Variants in RSRC1 observed in about 807,000 individuals in gnomAD.
RSRC1 encodes arginine and serine rich coiled-coil 1, also known as serine/Arginine-related protein 53.
A neutral mutation model predicts 49.1 loss-of-function variants in RSRC1; 39 were observed. That is an observed-to-expected ratio of 0.79 (90% confidence interval 0.61 to 1.04). The LOEUF (loss-of-function observed/expected upper bound fraction) is 1.04. Ranked by LOEUF, RSRC1 falls within the 50% of genes least tolerant of loss-of-function variation. The pLI, the probability that RSRC1 is intolerant of heterozygous loss-of-function variation, is 0.00. For missense variants in RSRC1, 388 were observed against 402.4 expected, an observed-to-expected ratio of 0.96 and a Z score of 0.31; for synonymous variants, 143 against 130.8, an observed-to-expected ratio of 1.09 and a Z score of -0.63.
chr3:158,434,308 C>A (rs1735930150), intron 6 of RSRC1, among the ~76,000 whole-genome samples: 1 of 151,846 alleles, frequency 6.6e-6, no homozygotes, highest in South Asian at 2.1e-4. Context: ...AAGGTAATGT[C>A]AATTTTTCTA....
Position 158,343,637 on chromosome 3 carries a change from AAC to A in RSRC1, c.532-11214_532-11213del, listed in dbSNP as rs1314828901. Among the ~76,000 whole-genome samples the A allele has an allele frequency of 5.3e-5, 8 of 152,296 alleles. No individual in the cohort carries two copies. In the East Asian group the frequency reaches 1.5e-3, roughly 29 times the overall value. On this transcript the variant is annotated intron_variant, in intron 5 of 9. Transcript: ENST00000611884. ...TAGAGACATGGAAACTATTTTAAAA[AAC>A]ACACAAAATTCTAGACACGAAGGCT...
intron 3 of RSRC1, among the ~76,000 whole-genome samples, chr3:158,196,315 G>A (rs1004620480): frequency 6.6e-6 from 1 of 152,096 alleles, no homozygotes; most frequent in African/African-American, 2.4e-5. Context: ...TGTTATTGGT[G>A]TATAAGAATG....
At chr3:158,391,301 C>A (rs1733276109) in intron 6 of RSRC1, among the ~76,000 whole-genome samples, 1 of 152,010 alleles carries the variant, frequency 6.6e-6, no homozygotes, top group African/African-American at 2.4e-5. Context: ...AATTGATATT[C>A]AAAAAACTGG....
chr3:158,306,100 A>G (rs1383340083), intron 5 of RSRC1, among the ~76,000 whole-genome samples: 1 of 151,954 alleles, frequency 6.6e-6, no homozygotes, highest in Non-Finnish European at 1.5e-5. Context: ...AAACTTCGTT[A>G]TATGCTTTTA....
intron 5 of RSRC1, among the ~76,000 whole-genome samples, chr3:158,327,633 A>T (rs1729243932): frequency 1.3e-5 from 2 of 152,032 alleles, no homozygotes; most frequent in South Asian, 4.1e-4. Flanking sequence ...ACATTTGCTG[A>T]GGAGTGCTTT....
chr3:158,342,343 T>C (rs1292158983), intron 5 of RSRC1, among the ~76,000 whole-genome samples: 1 of 152,188 alleles, frequency 6.6e-6, no homozygotes, highest in Non-Finnish European at 1.5e-5. Flanking sequence ...GCGGAGGTAA[T>C]TGAATCATGG....
Position 158,470,357 on chromosome 3 carries a change from C to CATATAT in RSRC1, c.652+9355_652+9356insTATATA, listed in dbSNP as rs1397429366. The stretch of plus-strand genomic sequence containing the variant: ...ACACACACACACACACACACACACA[C>CATATAT]ACACATATATATATATATATATAAA... On this transcript the variant is annotated intron_variant, in intron 7 of 9. Transcript: ENST00000611884. Among the ~76,000 whole-genome samples, 626 of 128,680 alleles carry CATATAT rather than the reference C, an allele frequency of 4.9e-3. 2 individuals carry two copies. The highest frequency in any genetic ancestry group is 0.02 in the African/African-American group (608 of 30,918). 84.4% of individuals were successfully genotyped at this position (128,680 alleles called of 152,430 possible). A position where few individuals can be genotyped will look rare whatever the true frequency, so the allele number is the denominator to read the frequency against.
At chr3:158,181,552 T>C (rs1484103660) in intron 3 of RSRC1, among the ~76,000 whole-genome samples, 3 of 151,298 alleles carry the variant, frequency 2.0e-5, no homozygotes, top group African/African-American at 7.3e-5. Context: ...GTTCATTTTA[T>C]ACAAATTTCC....
In RSRC1 at chr3:158,422,156, T is replaced by C. The variant is rs569951549; in HGVS notation, c.584-38779T>C. 9.9e-5 allele frequency among the ~76,000 whole-genome samples: 15 copies of C among 151,258 alleles called. No homozygotes were observed. In the South Asian group the frequency reaches 2.8e-3, roughly 28 times the overall value. ...TAGTTACATATGTATACATGTGCCA[T>C]GCTGGTGCGCTGCACCCACTAACTC... On this transcript the variant is annotated intron_variant, in intron 6 of 9. Transcript: ENST00000611884.
intron 7 of RSRC1, among the ~76,000 whole-genome samples, chr3:158,518,112 G>GCATATA (rs1560073619): frequency 1.3e-5 from 1 of 77,738 alleles, no homozygotes; most frequent in African/African-American, 7.8e-5. Flanking sequence ...GTGTGTGTGT[G>GCATATA]TGTGTGTGTG....
chr3:158,329,057 A>G (rs748559345), intron 5 of RSRC1, among the ~76,000 whole-genome samples: 4 of 152,128 alleles, frequency 2.6e-5, no homozygotes, highest in Non-Finnish European at 5.9e-5. Flanking sequence ...CATTTGTCAC[A>G]TAGTTCTTGT....
chr3:158,118,175 C>A (rs930945672), intron 1 of RSRC1, among the ~76,000 whole-genome samples: 2 of 152,120 alleles, frequency 1.3e-5, no homozygotes, highest in African/African-American at 4.8e-5. Flanking sequence ...GTCTCAAACT[C>A]CTGGACTCAA....
chr3:158,498,291 G>C (rs1179368256), intron 7 of RSRC1, among the ~76,000 whole-genome samples: 1 of 150,698 alleles, frequency 6.6e-6, no homozygotes, highest in Non-Finnish European at 1.5e-5. Context: ...ACTGTGGTTT[G>C]GATTTGCATT....
At chr3:158,372,509 T>A (rs888628399) in intron 6 of RSRC1, among the ~76,000 whole-genome samples, 31 of 152,116 alleles carry the variant, frequency 2.0e-4, no homozygotes, top group African/African-American at 7.2e-4. Context: ...TTGATCTATC[T>A]GTCTATCCTT....
rs568143216 is a variant in RSRC1, at chr3:158,297,582, A to G, written c.495-457A>G. On this transcript the variant is annotated intron_variant, in intron 4 of 9. Coordinates refer to ENST00000611884, the MANE Select transcript of RSRC1 (RefSeq NM_001271838.2). ...TTCTTTATGTGTACATTCTTTTTAT[A>G]AAAACGCAACCATTGGTGGATGGAT... Among the ~76,000 whole-genome samples the G allele has an allele frequency of 7.2e-5, 11 of 152,088 alleles. No homozygotes were observed. The East Asian group carries it at 2.1e-3, about 29-fold the overall frequency.
At chr3:158,130,570 A>G (rs1253463953) in intron 3 of RSRC1, among the ~76,000 whole-genome samples, 4 of 152,184 alleles carry the variant, frequency 2.6e-5, no homozygotes, top group Non-Finnish European at 5.9e-5. Flanking sequence ...CACAAAATTT[A>G]TGTTTCATGT....
intron 4 of RSRC1, among the ~76,000 whole-genome samples, chr3:158,215,419 A>G (rs1157758687): frequency 1.3e-5 from 2 of 149,962 alleles, no homozygotes; most frequent in African/African-American, 2.5e-5. Flanking sequence ...CTGGCCTTGT[A>G]TTCATTTTAA....
At chr3:158,486,570 G>C (rs1041442879) in intron 7 of RSRC1, among the ~76,000 whole-genome samples, 4 of 152,130 alleles carry the variant, frequency 2.6e-5, no homozygotes, top group African/African-American at 9.7e-5. Flanking sequence ...ACTTGCAGCT[G>C]AGAGAATTGG....
intron 6 of RSRC1, among the ~76,000 whole-genome samples, chr3:158,422,936 T>C (rs1340282444): frequency 6.6e-6 from 1 of 152,198 alleles, no homozygotes; most frequent in East Asian, 1.9e-4. Context: ...TGGTTTTTTC[T>C]TGTAAATTTG....
Sources: gnomAD v4.1 joint callset for allele counts (sites outside exome capture counted in the v4.1 genomes callset) on GRCh38, gnomAD v4.1.1 for gene constraint, MANE v1.5 for transcripts, NCBI Gene and HGNC (gene_info 2026-07-23, HGNC 2026-07-21) for gene names.